LRBA: variants seen among roughly 807,000 people sequenced by gnomAD.
LRBA encodes lipopolysaccharide-responsive and beige-like anchor protein.
Under a neutral mutation model 330.0 loss-of-function variants are expected in LRBA, and 176 were observed. That is an observed-to-expected ratio of 0.53 (90% CI 0.47 to 0.60). The LOEUF is 0.60. Ranked by LOEUF, LRBA falls within the 20% of genes least tolerant of loss-of-function variation. The pLI is 0.00. For synonymous variants in LRBA, 1,230 were observed against 1,193.0 expected (o/e 1.03, Z -0.64); for missense variants, 3,259 against 3,444.8 (o/e 0.95, Z 1.35).
chr4:150,964,030 G>A (rs1174349442), intron 2 of LRBA, among the ~76,000 whole-genome samples: 16 of 139,304 alleles, frequency 1.1e-4, no homozygotes, highest in Non-Finnish European at 1.8e-4. Context: ...CTGACCGGCC[G>A]CCCCATCTGA....
intron 47 of LRBA, among the ~76,000 whole-genome samples, chr4:150,356,274 T>A (rs1223869004): frequency 1.3e-5 from 2 of 152,102 alleles, no homozygotes; most frequent in East Asian, 3.8e-4. Flanking sequence ...AAGTTTAGCC[T>A]GTTCAAACAA....
intron 28 of LRBA, among the ~76,000 whole-genome samples, chr4:150,832,977 T>C (rs1370767876): frequency 6.6e-6 from 1 of 152,116 alleles, no homozygotes. Flanking sequence ...GGTCTTGTTA[T>C]GTAGCTCAGG....
At chr4:150,316,030 C>T (rs1731678364) in intron 50 of LRBA, among the ~76,000 whole-genome samples, 3 of 152,100 alleles carry the variant, frequency 2.0e-5, no homozygotes, top group African/African-American at 7.2e-5. Flanking sequence ...AAAGGATCTA[C>T]AAAAATGTCA....
At chr4:150,734,881 T>A (rs1449424247) in intron 36 of LRBA, among the ~76,000 whole-genome samples, 1 of 152,162 alleles carries the variant, frequency 6.6e-6, no homozygotes, top group African/African-American at 2.4e-5. Context: ...ACCTGGATGA[T>A]CTTACCTTTG....
chr4:150,560,225 TA>T (rs933593279), intron 40 of LRBA, among the ~76,000 whole-genome samples: 5 of 151,742 alleles, frequency 3.3e-5, no homozygotes, highest in African/African-American at 1.2e-4. Context: ...TATTTACTAA[TA>T]ACATACATTA....
chr4:150,802,378 C>T lies in LRBA; in HGVS notation c.5518+3893G>A, dbSNP rs1279826459. Among the ~76,000 whole-genome samples the T allele has an allele frequency of 3.3e-5, 5 of 150,328 alleles. No individual in the cohort carries two copies. The East Asian group carries it at 7.8e-4, about 23-fold the overall frequency. ...TTTTTTTTTTAATTTTAGTCCACAG[C>T]ATAGTAAAGAATAGCTGATGTGTAA... On this transcript the variant is annotated intron_variant, in intron 33 of 56. Coordinates refer to ENST00000651943, the MANE Select transcript of LRBA (RefSeq NM_001364905.1).
chr4:150,487,979 CAA>C, intron 41 of LRBA, 145 bp from the exon 42 acceptor site: 1 of 410,666 alleles, frequency 2.4e-6, no homozygotes, highest in Non-Finnish European at 4.5e-6. Context: ...TAGTATATAT[CAA>C]GTTTTAGTAT....
chr4:150,427,003 A>C (rs997706852), intron 46 of LRBA, among the ~76,000 whole-genome samples: 1 of 151,934 alleles, frequency 6.6e-6, no homozygotes, highest in African/African-American at 2.4e-5. Flanking sequence ...TTGGAAAGAA[A>C]TAATGGGCAA....
intron 34 of LRBA, among the ~76,000 whole-genome samples, chr4:150,777,972 CAAAAAAAA>C (rs57988391): frequency 1.5e-5 from 1 of 65,650 alleles, no homozygotes; most frequent in Non-Finnish European, 3.0e-5. Flanking sequence ...GACTCTGTTT[CAAAAAAAA>C]AAAAAAAAAA....
At chr4:150,553,088 GA>G (rs1211487241) in intron 40 of LRBA, among the ~76,000 whole-genome samples, 2 of 150,600 alleles carry the variant, frequency 1.3e-5, no homozygotes, top group African/African-American at 2.4e-5. Context: ...AAGAAAAAAA[GA>G]AAAAAAAGAA....
chr4:150,339,743 T>C (rs1735244146), intron 48 of LRBA, among the ~76,000 whole-genome samples: 1 of 152,094 alleles, frequency 6.6e-6, no homozygotes, highest in Non-Finnish European at 1.5e-5. Flanking sequence ...ACATATAGAT[T>C]TACACAGCAA....
At chr4:150,278,162 C>T (rs1200216757) in intron 55 of LRBA, among the ~76,000 whole-genome samples, 158 bp from the exon 56 acceptor site, 1 of 152,112 alleles carries the variant, frequency 6.6e-6, no homozygotes, top group African/African-American at 2.4e-5. Context: ...AGAAGATCTG[C>T]CATTTTTCAA....
intron 2 of LRBA, among the ~76,000 whole-genome samples, chr4:150,965,132 G>C (rs1001968569): frequency 6.6e-6 from 1 of 152,066 alleles, no homozygotes; most frequent in African/African-American, 2.4e-5. Flanking sequence ...ATATCTCTAA[G>C]AATCTATCCT....
intron 48 of LRBA, among the ~76,000 whole-genome samples, chr4:150,341,017 C>T (rs1243841045): frequency 2.6e-5 from 4 of 152,176 alleles, no homozygotes; most frequent in Non-Finnish European, 2.9e-5. Flanking sequence ...TTTGGCAGCT[C>T]GGTGGAAAGT....
intron 46 of LRBA, among the ~76,000 whole-genome samples, chr4:150,430,985 GAGAA>G (rs1403619918): frequency 3.3e-5 from 3 of 90,066 alleles, no homozygotes; most frequent in Non-Finnish European, 3.3e-5. Flanking sequence ...GCAACCTCAA[GAGAA>G]GGGGAAAAAA....
intron 35 of LRBA, among the ~76,000 whole-genome samples, chr4:150,758,075 T>C (rs1447292445): frequency 6.6e-6 from 1 of 152,222 alleles, no homozygotes; most frequent in Non-Finnish European, 1.5e-5. Flanking sequence ...AGTATTAGCA[T>C]TTGTGCCAGT....
intron 40 of LRBA, among the ~76,000 whole-genome samples, chr4:150,571,606 T>TA (rs1769844045): frequency 6.7e-6 from 1 of 149,184 alleles, no homozygotes; most frequent in African/African-American, 2.4e-5. Context: ...AGAAAATACT[T>TA]AAGCATTCAT....
intron 46 of LRBA, chr4:150,422,744 C>T (rs556986553): frequency 1.3e-4 from 146 of 1,100,280 alleles, no homozygotes; most frequent in Middle Eastern, 7.2e-4. Context: ...GCCCAAAGGG[C>T]TTCTTCATGA....
chr4:150,367,781 G>C (rs1581128063), intron 47 of LRBA, among the ~76,000 whole-genome samples: 1 of 152,180 alleles, frequency 6.6e-6, no homozygotes, highest in East Asian at 1.9e-4. Flanking sequence ...CCAATAAAAA[G>C]CATGAAGAAA....
Sources: gnomAD v4.1 joint callset for allele counts (sites outside exome capture counted in the v4.1 genomes callset) on GRCh38, gnomAD v4.1.1 for gene constraint, MANE v1.5 for transcripts, NCBI Gene and HGNC (gene_info 2026-07-23, HGNC 2026-07-21) for gene names.